The following GPC5 variants were observed in gnomAD, a reference collection of about 807,000 sequenced individuals.
The protein encoded by GPC5 is glypican-5.
In GPC5, 47 loss-of-function variants were observed where a neutral mutation model predicts 53.9. That is an observed-to-expected ratio of 0.87 (90% confidence interval 0.69 to 1.11). The LOEUF (loss-of-function observed/expected upper bound fraction) is 1.11. GPC5 is among the 50% of genes most tolerant of loss of function. The pLI is 0.00. For missense variants in GPC5, 748 were observed against 713.1 expected, an observed-to-expected ratio of 1.05 and a Z score of -0.56; for synonymous variants, 286 against 263.3, an observed-to-expected ratio of 1.09 and a Z score of -0.84.
chr13:91,619,580 A>G (rs2033796516), intron 2 of GPC5, among the ~76,000 whole-genome samples: 1 of 152,122 alleles, frequency 6.6e-6, no homozygotes, highest in South Asian at 2.1e-4. Context: ...TCAACAAATG[A>G]TTCAGACCTT....
At chr13:92,334,399 C>G (rs779595276) in intron 7 of GPC5, among the ~76,000 whole-genome samples, 3 of 152,142 alleles carry the variant, frequency 2.0e-5, no homozygotes, top group Non-Finnish European at 4.4e-5. Context: ...TAGGTCCCTC[C>G]CATGACACAT....
At chr13:91,696,549 A>G (rs1378911201) in intron 3 of GPC5, among the ~76,000 whole-genome samples, 4 of 152,330 alleles carry the variant, frequency 2.6e-5, no homozygotes, top group East Asian at 3.9e-4. Flanking sequence ...TTCAAAATAA[A>G]TTACTGGAAA....
intron 6 of GPC5, among the ~76,000 whole-genome samples, chr13:92,040,281 A>T (rs949335058): frequency 1.3e-5 from 2 of 152,088 alleles, no homozygotes; most frequent in Non-Finnish European, 2.9e-5. Context: ...CAGCCCAAAG[A>T]GGTGCACGTT....
At chr13:91,882,453 T>C (rs1234377890) in intron 5 of GPC5, among the ~76,000 whole-genome samples, 1 of 152,022 alleles carries the variant, frequency 6.6e-6, no homozygotes, top group East Asian at 1.9e-4. Context: ...AAATATTTTA[T>C]TGTTTTCCAT....
At chr13:92,859,784 T>C (rs1397938284) in intron 7 of GPC5, among the ~76,000 whole-genome samples, 1 of 152,160 alleles carries the variant, frequency 6.6e-6, no homozygotes, top group East Asian at 1.9e-4. Flanking sequence ...TCAGTATTGC[T>C]ATAAAATAGC....
In GPC5 at chr13:92,728,403, ATT is replaced by A. The variant is rs140885038; in HGVS notation, c.1562-137873_1562-137872del. 3.9e-3 allele frequency among the ~76,000 whole-genome samples: 595 copies of A among 151,484 alleles called. 5 individuals are homozygous for A. Among genetic ancestry groups the A allele is most frequent in the African/African-American group, 0.014 (567 of 41,458 alleles). On this transcript the variant is annotated intron_variant, in intron 7 of 7. Transcript: ENST00000377067. The stretch of plus-strand genomic sequence containing the variant: ...GGATAGACAAAGAAATTGAATGTTA[ATT>A]TTTTTGTGGATTCCCCATGATTCAG...
At chr13:91,468,890 TTA>T (rs2139171095) in intron 2 of GPC5, among the ~76,000 whole-genome samples, 1 of 151,350 alleles carries the variant, frequency 6.6e-6, no homozygotes, top group South Asian at 2.1e-4. Flanking sequence ...TTTTTTTTTT[TTA>T]AATGAGACAG....
chr13:91,830,354 C>T (rs1053421355), intron 5 of GPC5, among the ~76,000 whole-genome samples: 5 of 151,948 alleles, frequency 3.3e-5, no homozygotes, highest in African/African-American at 1.2e-4. Context: ...TCAAGGTGCC[C>T]AGATTTCATA....
intron 7 of GPC5, among the ~76,000 whole-genome samples, chr13:92,385,524 G>A (rs9523657): frequency 0.055 from 1,856 of 34,050 alleles, 58 homozygotes; most frequent in Middle Eastern, 0.14. Context: ...ACATACATAT[G>A]CATATATACA....
intron 2 of GPC5, among the ~76,000 whole-genome samples, chr13:91,661,885 G>T (rs1413049074): frequency 1.3e-5 from 2 of 152,182 alleles, no homozygotes; most frequent in Admixed American, 1.3e-4. Context: ...GAACGCTATT[G>T]TTACTTCAAG....
chr13:92,052,983 A>AGT (rs2041042994), intron 6 of GPC5, among the ~76,000 whole-genome samples: 2 of 152,184 alleles, frequency 1.3e-5, no homozygotes, highest in Non-Finnish European at 2.9e-5. Context: ...CTGGAAGAGG[A>AGT]AACAGAATTT....
At chr13:92,139,723 A>T (rs1157674900) in intron 6 of GPC5, among the ~76,000 whole-genome samples, 2 of 151,546 alleles carry the variant, frequency 1.3e-5, no homozygotes, top group Non-Finnish European at 2.9e-5. Context: ...ATTTCATGGG[A>T]TGAATAAATG....
chr13:91,507,209 G>T (rs1479987037), intron 2 of GPC5, among the ~76,000 whole-genome samples: 1 of 152,116 alleles, frequency 6.6e-6, no homozygotes, highest in African/African-American at 2.4e-5. Flanking sequence ...CTAGTTCCTG[G>T]TTCATAGATA....
chr13:92,192,628 T>A (rs1341262804), intron 7 of GPC5, among the ~76,000 whole-genome samples: 4 of 152,198 alleles, frequency 2.6e-5, no homozygotes, highest in Admixed American at 6.5e-5. Context: ...TTGGTAATTA[T>A]GAAATTAGAT....
intron 3 of GPC5, among the ~76,000 whole-genome samples, chr13:91,719,000 T>A (rs1452511747): frequency 6.6e-6 from 1 of 152,164 alleles, no homozygotes. Context: ...GTATTTTATT[T>A]CCAGTTTTTA....
chr13:91,786,075 C>A (rs879587721), intron 5 of GPC5, among the ~76,000 whole-genome samples: 7 of 152,184 alleles, frequency 4.6e-5, no homozygotes, highest in Non-Finnish European at 1.0e-4. Context: ...CAGCTCACCA[C>A]AACCTCTGCC....
chr13:91,403,993 C>G (rs1306769241), intron 1 of GPC5, among the ~76,000 whole-genome samples: 4 of 152,138 alleles, frequency 2.6e-5, no homozygotes, highest in African/African-American at 9.7e-5. Context: ...GTCCAACATC[C>G]TATAGTTGTA....
chr13:92,554,784 A>T (rs1438655020), intron 7 of GPC5, among the ~76,000 whole-genome samples: 1 of 151,094 alleles, frequency 6.6e-6, no homozygotes, highest in Non-Finnish European at 1.5e-5. Flanking sequence ...TTATATAGAA[A>T]GATATATTTG....
chr13:92,410,281 G>A (rs1314870011), intron 7 of GPC5, among the ~76,000 whole-genome samples: 3 of 152,060 alleles, frequency 2.0e-5, no homozygotes, highest in Admixed American at 1.3e-4. Flanking sequence ...GTATCCAGGG[G>A]CACAGATGAC....
Sources: gnomAD v4.1 joint callset for allele counts (sites outside exome capture counted in the v4.1 genomes callset) on GRCh38, gnomAD v4.1.1 for gene constraint, MANE v1.5 for transcripts, NCBI Gene and HGNC (gene_info 2026-07-23, HGNC 2026-07-21) for gene names.